DAB1: variants seen among roughly 807,000 people sequenced by gnomAD.
The protein encoded by DAB1 is DAB adaptor protein 1, also known as disabled homolog 1.
Under a neutral mutation model 64.6 loss-of-function variants are expected in DAB1, and 15 were observed. The ratio of observed to expected loss-of-function variants is 0.23; its 90% confidence interval spans 0.16 to 0.36. DAB1 has a LOEUF of 0.36. Among genes scored for constraint, DAB1 ranks in the 10% least tolerant of loss-of-function variants. The pLI is 1.00. For missense variants in DAB1, 596 were observed against 706.7 expected (o/e 0.84, Z 1.78); for synonymous variants, 235 against 251.9 (o/e 0.93, Z 0.64).
intron 7 of DAB1, among the ~76,000 whole-genome samples, chr1:57,533,518 A>T (rs972621014): frequency 6.7e-6 from 1 of 150,174 alleles, no homozygotes; most frequent in Non-Finnish European, 1.5e-5. Context: ...ACAGAAAACA[A>T]AAATAGAAAA....
chr1:57,551,708 C>G (rs1013812007), intron 7 of DAB1, among the ~76,000 whole-genome samples: 1 of 152,140 alleles, frequency 6.6e-6, no homozygotes, highest in Non-Finnish European at 1.5e-5. Context: ...ATTAGGTCAT[C>G]TCAACTTAGA....
intron 4 of DAB1, among the ~76,000 whole-genome samples, chr1:58,231,991 T>C (rs2100353457): frequency 6.6e-6 from 1 of 152,304 alleles, no homozygotes; most frequent in African/African-American, 2.4e-5. Context: ...AAATCCATGT[T>C]TGTCTAACTC....
chr1:57,946,962 T>C (rs1385315641), intron 5 of DAB1, among the ~76,000 whole-genome samples: 1 of 152,126 alleles, frequency 6.6e-6, no homozygotes, highest in Non-Finnish European at 1.5e-5. Flanking sequence ...GGAAAAGATC[T>C]TAGAGTCCAT....
intron 5 of DAB1, among the ~76,000 whole-genome samples, chr1:58,049,889 T>G (rs1413528693): frequency 6.6e-6 from 1 of 150,686 alleles, no homozygotes; most frequent in African/African-American, 2.4e-5. Flanking sequence ...GCTTTTAGCC[T>G]GGTAGGGAAA....
At chr1:57,020,905 A>C in intron 11 of DAB1, among the ~76,000 whole-genome samples, 1 of 152,204 alleles carries the variant, frequency 6.6e-6, no homozygotes, top group Non-Finnish European at 1.5e-5. Context: ...TCAGGATCCA[A>C]ACCTGGCCCA....
chr1:57,340,381 G>A (rs1221100963), intron 1 of DAB1, among the ~76,000 whole-genome samples: 2 of 152,048 alleles, frequency 1.3e-5, no homozygotes, highest in African/African-American at 4.8e-5. Flanking sequence ...TGGATCTAAT[G>A]AGGAGAAGAC....
intron 7 of DAB1, among the ~76,000 whole-genome samples, chr1:57,613,451 T>A (rs1367454568): frequency 6.6e-6 from 1 of 152,136 alleles, no homozygotes; most frequent in Non-Finnish European, 1.5e-5. Context: ...ACCCCATGTA[T>A]AAAAGCTGTT....
chr1:57,881,790 T>A (rs1269458244), intron 1 of DAB1, among the ~76,000 whole-genome samples: 1 of 152,144 alleles, frequency 6.6e-6, no homozygotes, highest in Non-Finnish European at 1.5e-5. Context: ...CATTGCAATA[T>A]CACATTGGGC....
chr1:57,066,032 CTT>C (rs1650876157), intron 8 of DAB1, among the ~76,000 whole-genome samples: 1 of 152,146 alleles, frequency 6.6e-6, no homozygotes. Flanking sequence ...GACACTTTTA[CTT>C]TTATTTTGGC....
chr1:58,490,785 A>C (rs1424261500), intron 3 of DAB1, among the ~76,000 whole-genome samples: 1 of 143,086 alleles, frequency 7.0e-6, no homozygotes, highest in Non-Finnish European at 1.5e-5. Context: ...GGGGGCCAAT[A>C]GTCAACATTC....
intron 6 of DAB1, among the ~76,000 whole-genome samples, chr1:57,729,595 T>C (rs1341422324): frequency 1.3e-5 from 2 of 152,212 alleles, no homozygotes; most frequent in East Asian, 1.9e-4. Context: ...AATCTCCTGG[T>C]CTCTAGAAAT....
At chr1:57,670,738 C>T (rs1220178926) in intron 6 of DAB1, among the ~76,000 whole-genome samples, 1 of 152,036 alleles carries the variant, frequency 6.6e-6, no homozygotes, top group African/African-American at 2.4e-5. Flanking sequence ...CCATTGAATC[C>T]TGAACCTGTT....
chr1:57,323,093 C>A (rs541857904), intron 1 of DAB1, among the ~76,000 whole-genome samples: 1 of 152,042 alleles, frequency 6.6e-6, no homozygotes, highest in East Asian at 1.9e-4. Context: ...GCTAAGCCTG[C>A]TGGTCCATGG....
intron 2 of DAB1, among the ~76,000 whole-genome samples, chr1:57,250,367 T>C (rs1669243520): frequency 6.6e-6 from 1 of 152,196 alleles, no homozygotes; most frequent in African/African-American, 2.4e-5. Flanking sequence ...AGGTTATAAT[T>C]ATTGAGGAAT....
At chr1:58,238,228 G>A (rs1660135584) in intron 4 of DAB1, among the ~76,000 whole-genome samples, 1 of 152,152 alleles carries the variant, frequency 6.6e-6, no homozygotes, top group Admixed American at 6.5e-5. Context: ...AAACAGAAGT[G>A]GTTGCTGGGT....
chr1:57,813,953 C>T (rs1651743080), intron 6 of DAB1, among the ~76,000 whole-genome samples: 1 of 152,244 alleles, frequency 6.6e-6, no homozygotes, highest in African/African-American at 2.4e-5. Context: ...GTCCTTTTCA[C>T]TCTTGGTTAT....
At chr1:57,224,252 C>T (rs59607912) in intron 2 of DAB1, among the ~76,000 whole-genome samples, 2,468 of 152,198 alleles carry the variant, frequency 0.016, 54 homozygotes, top group African/African-American at 0.054. Flanking sequence ...GTGTAAAGAA[C>T]CTGGTACAGT....
chr1:58,044,761 C>G (rs1309924285), intron 5 of DAB1, among the ~76,000 whole-genome samples: 6 of 152,080 alleles, frequency 3.9e-5, no homozygotes, highest in Non-Finnish European at 8.8e-5. Context: ...TATTTACATG[C>G]AGAGTTCAGA....
chr1:57,439,652 C>A (rs1209121862), intron 7 of DAB1, among the ~76,000 whole-genome samples: 1 of 141,676 alleles, frequency 7.1e-6, no homozygotes, highest in African/African-American at 2.8e-5. Context: ...TGGTCTTGAT[C>A]TTCTGACCTC....
Sources: gnomAD v4.1 joint callset for allele counts (sites outside exome capture counted in the v4.1 genomes callset) on GRCh38, gnomAD v4.1.1 for gene constraint, MANE v1.5 for transcripts, NCBI Gene and HGNC (gene_info 2026-07-23, HGNC 2026-07-21) for gene names.